Variants in PDE4D observed in about 807,000 individuals in gnomAD.
The protein encoded by PDE4D is phosphodiesterase 4D.
Under a neutral mutation model 87.4 loss-of-function variants are expected in PDE4D, and 24 were observed. The ratio of observed to expected loss-of-function variants is 0.27; its 90% CI spans 0.20 to 0.39. The LOEUF (loss-of-function observed/expected upper bound fraction) is 0.39. Ranked by LOEUF, PDE4D falls within the 10% of genes least tolerant of loss-of-function variation. The probability of loss-of-function intolerance (pLI) is 1.00; values close to 1 mark genes in which losing one functional copy is unlikely to be tolerated. For synonymous variants in PDE4D, 384 were observed against 383.2 expected (o/e 1.00, Z -0.02); for missense variants, 714 against 1,041.0 (o/e 0.69, Z 4.32).
chr5:59,212,196 C>T (rs1212464346), intron 2 of PDE4D, among the ~76,000 whole-genome samples: 1 of 152,150 alleles, frequency 6.6e-6, no homozygotes, highest in Admixed American at 6.6e-5. Flanking sequence ...AAAGTTTACA[C>T]ATGGCCATAT....
At chr5:59,487,719 A>C (rs1562271607) in intron 1 of PDE4D, among the ~76,000 whole-genome samples, 1 of 152,050 alleles carries the variant, frequency 6.6e-6, no homozygotes, top group Non-Finnish European at 1.5e-5. Flanking sequence ...ATGAAGACTT[A>C]GTCCCTGGCT....
At chr5:59,857,539 C>T (rs868647900) in intron 1 of PDE4D, among the ~76,000 whole-genome samples, 7 of 152,168 alleles carry the variant, frequency 4.6e-5, no homozygotes, top group African/African-American at 1.4e-4. Context: ...ATGACTAAAA[C>T]CTTCCAGGTT....
chr5:59,631,725 T>C (rs1410403652), intron 1 of PDE4D, among the ~76,000 whole-genome samples: 1 of 152,226 alleles, frequency 6.6e-6, no homozygotes, highest in Non-Finnish European at 1.5e-5. Flanking sequence ...CCAGATACTA[T>C]GCTTTTCCCA....
At chr5:59,181,317 G>T (rs1313136063) in intron 4 of PDE4D, among the ~76,000 whole-genome samples, 2 of 148,474 alleles carry the variant, frequency 1.3e-5, no homozygotes, top group Non-Finnish European at 3.0e-5. Context: ...ACCCCTTGAA[G>T]TAAAAAAAAA....
At chr5:59,565,918 A>T (rs1820807168) in intron 1 of PDE4D, among the ~76,000 whole-genome samples, 1 of 152,152 alleles carries the variant, frequency 6.6e-6, no homozygotes, top group African/African-American at 2.4e-5. Context: ...AGAGAGGAGG[A>T]GAGGGGAAGC....
At chr5:59,032,135 G>A (rs1272535460) in intron 6 of PDE4D, among the ~76,000 whole-genome samples, 2 of 152,076 alleles carry the variant, frequency 1.3e-5, no homozygotes, top group Non-Finnish European at 2.9e-5. Context: ...ATATAGATAT[G>A]TTAATTAGCT....
chr5:60,505,898 G>A (rs1353896875), intron 1 of PDE4D, among the ~76,000 whole-genome samples: 1 of 152,216 alleles, frequency 6.6e-6, no homozygotes, highest in Non-Finnish European at 1.5e-5. Flanking sequence ...CAGTTGGCAG[G>A]CTTTTGGAGA....
intron 3 of PDE4D, among the ~76,000 whole-genome samples, chr5:59,975,765 T>A (rs1020900582): frequency 3.3e-5 from 5 of 152,214 alleles, no homozygotes; most frequent in African/African-American, 1.2e-4. Flanking sequence ...TCTAGCCATG[T>A]TTTAGCAGTT....
intron 2 of PDE4D, among the ~76,000 whole-genome samples, chr5:59,996,607 C>G (rs1763549020): frequency 6.6e-6 from 1 of 152,102 alleles, no homozygotes; most frequent in South Asian, 2.1e-4. Flanking sequence ...AAGCCTTATG[C>G]CAAATGTTTT....
chr5:59,201,019 T>A (rs1368641977), intron 2 of PDE4D, among the ~76,000 whole-genome samples: 1 of 152,128 alleles, frequency 6.6e-6, no homozygotes. Context: ...TGTTAATGAT[T>A]CCAATCTATA....
At chr5:60,155,361 CT>C (rs1257684086) in intron 2 of PDE4D, among the ~76,000 whole-genome samples, 1 of 152,044 alleles carries the variant, frequency 6.6e-6, no homozygotes, top group Non-Finnish European at 1.5e-5. Flanking sequence ...TTTTTATATG[CT>C]TATTGACTAT....
chr5:59,440,723 C>T (rs1797485918), intron 1 of PDE4D, among the ~76,000 whole-genome samples: 1 of 152,102 alleles, frequency 6.6e-6, no homozygotes, highest in South Asian at 2.1e-4. Flanking sequence ...TTGTGGTGAG[C>T]CGAGGTTGCA....
upstream of PDE4D, chr5:60,490,386 C>T (rs1749467896): frequency 6.6e-6 from 1 of 152,192 alleles, no homozygotes; most frequent in South Asian, 2.1e-4. Flanking sequence ...CATTATTATC[C>T]ACCCTGAGCC....
intron 1 of PDE4D, among the ~76,000 whole-genome samples, chr5:59,465,243 A>T (rs1801405234): frequency 6.6e-6 from 1 of 152,100 alleles, no homozygotes; most frequent in South Asian, 2.1e-4. Context: ...GACTTTGCAC[A>T]TGCTGTTCCC....
At chr5:60,060,738 GTCAGCCTCT>G (rs1337849187) in intron 2 of PDE4D, among the ~76,000 whole-genome samples, 1 of 151,978 alleles carries the variant, frequency 6.6e-6, no homozygotes, top group East Asian at 1.9e-4. Flanking sequence ...AGCTGGATAT[GTCAGCCTCT>G]TCAGCCTCTC....
chr5:59,821,237 GCAACAA>G (rs71606606), intron 1 of PDE4D, among the ~76,000 whole-genome samples: 6,111 of 148,896 alleles, frequency 0.041, 183 homozygotes, highest in African/African-American at 0.08. Context: ...TGTCTCAACA[GCAACAA>G]CAACAACAAC....
At chr5:59,983,896 A>G (rs1485325221) in intron 3 of PDE4D, among the ~76,000 whole-genome samples, 1 of 152,246 alleles carries the variant, frequency 6.6e-6, no homozygotes, top group Admixed American at 6.5e-5. Context: ...AAAGACTGGT[A>G]TAAGTGTACA....
At chr5:60,082,431 GT>G (rs2152904561) in intron 2 of PDE4D, among the ~76,000 whole-genome samples, 2 of 152,234 alleles carry the variant, frequency 1.3e-5, no homozygotes, top group East Asian at 3.9e-4. Context: ...ATAAATGTTT[GT>G]TGCTTAAGCC....
intron 5 of PDE4D, among the ~76,000 whole-genome samples, chr5:59,061,296 C>T (rs1271943882): frequency 1.3e-5 from 2 of 151,936 alleles, no homozygotes; most frequent in South Asian, 2.1e-4. Context: ...GTCATATGGT[C>T]GGAGCACAAA....
Sources: gnomAD v4.1 joint callset for allele counts (sites outside exome capture counted in the v4.1 genomes callset) on GRCh38, gnomAD v4.1.1 for gene constraint, MANE v1.5 for transcripts, NCBI Gene and HGNC (gene_info 2026-07-23, HGNC 2026-07-21) for gene names.